The following XKR9 variants were observed in gnomAD, a reference collection of about 807,000 sequenced individuals.
XKR9 encodes XK related 9, also known as XK-related protein 9.
XKR9 carries 32 observed loss-of-function variants against 32.0 expected under a neutral mutation model. The ratio of observed to expected loss-of-function variants is 1.00; its 90% CI spans 0.76 to 1.34. The LOEUF (loss-of-function observed/expected upper bound fraction) is 1.34. XKR9 is among the 40% of genes most tolerant of loss of function. XKR9 has a pLI of 0.00. For missense variants in XKR9, 546 were observed against 429.7 expected, an observed-to-expected ratio of 1.27 and a Z score of -2.39; for synonymous variants, 168 against 143.4, an observed-to-expected ratio of 1.17 and a Z score of -1.22.
intron 4 of XKR9, among the ~76,000 whole-genome samples, chr8:70,709,521 T>C (rs1477916743): frequency 6.6e-6 from 1 of 152,158 alleles, no homozygotes; most frequent in Non-Finnish European, 1.5e-5. Context: ...TATCCCTGTT[T>C]GCAAACAATA....
chr8:70,743,966 G>T (rs549706071), intron 2 of XKR9, among the ~76,000 whole-genome samples: 1 of 152,096 alleles, frequency 6.6e-6, no homozygotes, highest in East Asian at 1.9e-4. Context: ...GTGGTTATTT[G>T]TGAGACGATT....
At chr8:70,725,566 T>C (rs1422412184) in intron 4 of XKR9, among the ~76,000 whole-genome samples, 3 of 152,032 alleles carry the variant, frequency 2.0e-5, no homozygotes, top group Non-Finnish European at 4.4e-5. Context: ...TTATATACTC[T>C]GTAGAACTTT....
chr8:70,733,374 G>C (rs981936079), intron 4 of XKR9, among the ~76,000 whole-genome samples: 3 of 151,716 alleles, frequency 2.0e-5, no homozygotes, highest in Non-Finnish European at 4.4e-5. Context: ...TTAGTGAATT[G>C]GGTGTATGCC....
rs531828039 is a variant in XKR9, at chr8:70,754,934, G to A, written n.353-34405G>A. Among the ~76,000 whole-genome samples, 4 of 152,258 alleles carry A rather than the reference G, an allele frequency of 2.6e-5. No homozygotes were observed. In the East Asian group the frequency reaches 5.8e-4, roughly 22 times the overall value. On this transcript the variant is annotated intron_variant and non_coding_transcript_variant, in intron 2 of 3. Transcript: ENST00000520273. ...AATTGGGATCTAATTAAACTGAAGA[G>A]CTTCTGCACAGCAAAAGAAACTACC...
At chr8:70,683,917 G>C (rs1819171623) in intron 3 of XKR9, among the ~76,000 whole-genome samples, 1 of 152,098 alleles carries the variant, frequency 6.6e-6, no homozygotes, top group Admixed American at 6.6e-5. Flanking sequence ...TCTTTCTTGA[G>C]AGATATTTTA....
At chr8:71,058,590 A>G in the XKR9 span, among the ~76,000 whole-genome samples, 2 of 152,242 alleles carry the variant, frequency 1.3e-5, no homozygotes, top group African/African-American at 4.8e-5. Context: ...AGATCCTGTG[A>G]GGTCTCCTAA....
At chr8:70,988,051 G>A in the XKR9 span, among the ~76,000 whole-genome samples, 35 of 152,244 alleles carry the variant, frequency 2.3e-4, no homozygotes, top group Middle Eastern at 3.4e-3. Flanking sequence ...CCTAGGCTGC[G>A]CACAGCTTGA....
chr8:70,811,563 A>C, the XKR9 span, among the ~76,000 whole-genome samples: 1 of 152,204 alleles, frequency 6.6e-6, no homozygotes, highest in African/African-American at 2.4e-5. Context: ...TAAAGAAGAA[A>C]AGAGGGAAGA....
chr8:70,750,519 C>T (rs893940482), intron 2 of XKR9, among the ~76,000 whole-genome samples: 1 of 152,124 alleles, frequency 6.6e-6, no homozygotes, highest in Non-Finnish European at 1.5e-5. Flanking sequence ...TTCTTGGTAT[C>T]TGTAGATGTA....
the XKR9 span, among the ~76,000 whole-genome samples, chr8:70,847,497 C>T: frequency 4.6e-5 from 7 of 151,252 alleles, no homozygotes; most frequent in East Asian, 1.2e-3. Flanking sequence ...TATAATTAAA[C>T]AAAACAGAGA....
At chr8:70,972,023 G>A in the XKR9 span, among the ~76,000 whole-genome samples, 1 of 152,006 alleles carries the variant, frequency 6.6e-6, no homozygotes, top group African/African-American at 2.4e-5. Flanking sequence ...TGTGGGTATT[G>A]CATTGAATTT....
chr8:71,044,159 C>T, the XKR9 span, among the ~76,000 whole-genome samples: 8 of 152,210 alleles, frequency 5.3e-5, no homozygotes, highest in African/African-American at 1.9e-4. Flanking sequence ...TGAAATCTTT[C>T]TCTCACACAT....
At chr8:70,724,594 G>A (rs895768738) in intron 4 of XKR9, among the ~76,000 whole-genome samples, 2 of 152,112 alleles carry the variant, frequency 1.3e-5, no homozygotes, top group Admixed American at 1.3e-4. Context: ...GGGCCTGATA[G>A]CACAGTCCCT....
chr8:70,850,550 C>A, the XKR9 span, among the ~76,000 whole-genome samples: 3 of 151,076 alleles, frequency 2.0e-5, no homozygotes, highest in Admixed American at 6.6e-5. Context: ...GAAAAACTGG[C>A]AAACCGAATC....
intron 2 of XKR9, among the ~76,000 whole-genome samples, chr8:70,743,875 G>A (rs765795434): frequency 1.3e-4 from 19 of 151,922 alleles, no homozygotes; most frequent in Admixed American, 5.9e-4. Flanking sequence ...TCCAGATGTC[G>A]ACCTCTCTCC....
intron 2 of XKR9, among the ~76,000 whole-genome samples, chr8:70,742,814 A>C (rs1047285459): frequency 2.0e-5 from 3 of 151,956 alleles, no homozygotes; most frequent in African/African-American, 4.8e-5. Context: ...GTTTTTCTCT[A>C]GCTATTCTTG....
the XKR9 span, among the ~76,000 whole-genome samples, chr8:70,941,387 G>A: frequency 1.3e-5 from 2 of 152,060 alleles, no homozygotes; most frequent in Admixed American, 6.6e-5. Flanking sequence ...ATTTCAAAAT[G>A]TTGCTCAAGT....
At chr8:70,789,811 A>G (rs1807740255) in intron 3 of XKR9, among the ~76,000 whole-genome samples, 1 of 151,970 alleles carries the variant, frequency 6.6e-6, no homozygotes, top group Admixed American at 6.6e-5. Context: ...TTCTTGTTTT[A>G]CTGCATTTTG....
At chr8:71,008,184 C>G in the XKR9 span, among the ~76,000 whole-genome samples, 9 of 152,246 alleles carry the variant, frequency 5.9e-5, no homozygotes, top group Admixed American at 1.3e-4. Flanking sequence ...CTAGGCACAT[C>G]CCTTAGCTGG....
Sources: gnomAD v4.1 joint callset for allele counts (sites outside exome capture counted in the v4.1 genomes callset) on GRCh38, gnomAD v4.1.1 for gene constraint, MANE v1.5 for transcripts, NCBI Gene and HGNC (gene_info 2026-07-23, HGNC 2026-07-21) for gene names.